The following CNTNAP5 variants were observed in gnomAD, a reference collection of about 807,000 sequenced individuals.
CNTNAP5 encodes the protein contactin associated protein family member 5, also known as contactin-associated protein-like 5.
Under a neutral mutation model 150.2 loss-of-function variants are expected in CNTNAP5, and 72 were observed. The ratio of observed to expected loss-of-function variants is 0.48; its 90% confidence interval spans 0.40 to 0.58. CNTNAP5 has a LOEUF of 0.58. CNTNAP5 is among the 20% of genes least tolerant of loss of function. The pLI is 0.00. For missense variants in CNTNAP5, 1,636 were observed against 1,626.2 expected (o/e 1.01, Z -0.10); for synonymous variants, 672 against 619.8 (o/e 1.08, Z -1.25).
intron 1 of CNTNAP5, among the ~76,000 whole-genome samples, chr2:124,062,234 A>G (rs1200827738): frequency 6.6e-6 from 1 of 152,220 alleles, no homozygotes; most frequent in Non-Finnish European, 1.5e-5. Flanking sequence ...TTTGGCTTAT[A>G]TGAACTGCTC....
intron 12 of CNTNAP5, among the ~76,000 whole-genome samples, chr2:124,625,401 C>T (rs1677699321): frequency 6.7e-6 from 1 of 150,182 alleles, no homozygotes; most frequent in South Asian, 2.1e-4. Flanking sequence ...GGCCTATTCC[C>T]AGCAATGTTT....
At chr2:124,401,907 A>T (rs1266283701) in intron 3 of CNTNAP5, among the ~76,000 whole-genome samples, 1 of 152,178 alleles carries the variant, frequency 6.6e-6, no homozygotes, top group Non-Finnish European at 1.5e-5. Flanking sequence ...TGGAGTCTCC[A>T]GTGGGAGAGT....
intron 1 of CNTNAP5, among the ~76,000 whole-genome samples, chr2:124,045,189 C>A (rs1223163652): frequency 1.3e-5 from 2 of 151,970 alleles, no homozygotes; most frequent in East Asian, 3.9e-4. Context: ...AGCTTAATAA[C>A]AAATACCCCT....
chr2:124,461,219 C>T (rs1474698863), intron 6 of CNTNAP5, among the ~76,000 whole-genome samples: 3 of 152,210 alleles, frequency 2.0e-5, no homozygotes, highest in Non-Finnish European at 2.9e-5. Context: ...TATAAAGACA[C>T]ATGCAGACGT....
At chr2:124,818,459 GT>G (rs112530743) in intron 19 of CNTNAP5, among the ~76,000 whole-genome samples, 3 of 151,616 alleles carry the variant, frequency 2.0e-5, no homozygotes, top group African/African-American at 7.3e-5. Flanking sequence ...CCCAAGGGGG[GT>G]TTGCATGGCT....
At position 124,800,824 on chromosome 2, in the gene CNTNAP5, G is replaced by T. The variant is rs1681951917; in HGVS notation, c.3217+2504G>T. On this transcript the variant is annotated intron_variant, in intron 19 of 23. Coordinates refer to ENST00000682447, the MANE Select transcript of CNTNAP5 (RefSeq NM_001367498.1). The stretch of plus-strand genomic sequence containing the variant: ...TTTAAGTTTAGGTCTCAGGGCATGT[G>T]TGAAAGTTCAGGTATGAGTCCTGAG... Among the ~76,000 whole-genome samples, 12 of 152,198 alleles carry T rather than the reference G, an allele frequency of 7.9e-5. 1 individual carries two copies. The highest frequency in any genetic ancestry group is 7.2e-4 in the Admixed American group (11 of 15,284).
chr2:124,147,531 T>C (rs1684284361), intron 1 of CNTNAP5, among the ~76,000 whole-genome samples: 1 of 152,248 alleles, frequency 6.6e-6, no homozygotes, highest in South Asian at 2.1e-4. Flanking sequence ...TAAAGAGTTG[T>C]AAAATTGTAA....
chr2:124,084,952 C>A (rs1443300955), intron 1 of CNTNAP5, among the ~76,000 whole-genome samples: 1 of 11,330 alleles, frequency 8.8e-5, no homozygotes, highest in Non-Finnish European at 2.9e-4. Context: ...GACGGAGTCT[C>A]GCTTTGTTGC....
chr2:124,283,145 G>A (rs995342514), intron 3 of CNTNAP5, among the ~76,000 whole-genome samples: 3 of 152,166 alleles, frequency 2.0e-5, no homozygotes, highest in East Asian at 3.9e-4. Flanking sequence ...TGTGGAGTCA[G>A]TAGTCCTGCC....
chr2:124,137,663 G>A (rs1452003844), intron 1 of CNTNAP5, among the ~76,000 whole-genome samples: 1 of 152,202 alleles, frequency 6.6e-6, no homozygotes, highest in African/African-American at 2.4e-5. Flanking sequence ...CTGGTGAGGA[G>A]TATGTGACAC....
Position 124,447,707 on chromosome 2 carries a change from A to T in CNTNAP5, c.918+770A>T, listed in dbSNP as rs193003280. Among the ~76,000 whole-genome samples the T allele has an allele frequency of 9.2e-5, 14 of 152,294 alleles. No individual in the cohort carries two copies. The East Asian group carries it at 2.7e-3, about 29-fold the overall frequency. ...TTTATATTTATATAATTATGTATTT[A>T]TATAGGAAACAGGGCACTTAATTCA... On this transcript the variant is annotated intron_variant, in intron 6 of 23. Coordinates refer to ENST00000682447, the MANE Select transcript of CNTNAP5 (RefSeq NM_001367498.1).
chr2:124,469,085 C>T (rs937164001), intron 6 of CNTNAP5, among the ~76,000 whole-genome samples: 2 of 152,346 alleles, frequency 1.3e-5, no homozygotes, highest in African/African-American at 4.8e-5. Flanking sequence ...TTCAATCCCT[C>T]AGGGAGAACC....
At chr2:124,832,050 A>G (rs1682727572) in intron 19 of CNTNAP5, among the ~76,000 whole-genome samples, 1 of 152,066 alleles carries the variant, frequency 6.6e-6, no homozygotes. Context: ...AAGAATACAC[A>G]CAGATCTTTC....
At position 124,394,812 on chromosome 2, in the gene CNTNAP5, C is replaced by T. The variant is rs141398100; in HGVS notation, c.382-22631C>T. On this transcript the variant is annotated intron_variant, in intron 3 of 23. Coordinates refer to ENST00000682447, the MANE Select transcript of CNTNAP5 (RefSeq NM_001367498.1). Reference sequence around the variant, plus strand: ...CCTTCACCCTTCCTTCTCACTGCTTCGCCTCTGCCGAGACACATACATTCT... The same window carrying T: ...CCTTCACCCTTCCTTCTCACTGCTTTGCCTCTGCCGAGACACATACATTCT... Among the ~76,000 whole-genome samples, 354 of 152,320 alleles carry T rather than the reference C, an allele frequency of 2.3e-3. 1 individual carries two copies. Among genetic ancestry groups the T allele is most frequent in the African/African-American group, 8.2e-3 (341 of 41,580 alleles).
chr2:124,914,037 T>C, intron 23 of CNTNAP5, 55 bp from the exon 24 acceptor site: 1 of 1,353,190 alleles, frequency 7.4e-7, no homozygotes. Flanking sequence ...TCCACTCTCC[T>C]GAGCAGATGA....
intron 12 of CNTNAP5, among the ~76,000 whole-genome samples, 158 bp from the exon 13 acceptor site, chr2:124,647,600 G>A (rs1387251349): frequency 6.6e-6 from 1 of 152,202 alleles, no homozygotes; most frequent in Non-Finnish European, 1.5e-5. Flanking sequence ...AACTCTGGTG[G>A]AGCTCCATGG....
At chr2:124,856,236 T>C (rs1298704746) in intron 19 of CNTNAP5, among the ~76,000 whole-genome samples, 2 of 152,184 alleles carry the variant, frequency 1.3e-5, no homozygotes, top group African/African-American at 2.4e-5. Flanking sequence ...AATCTGCTAG[T>C]TGATTGATGG....
chr2:124,078,068 T>TA (rs1682478752), intron 1 of CNTNAP5, among the ~76,000 whole-genome samples: 1 of 152,162 alleles, frequency 6.6e-6, no homozygotes, highest in Non-Finnish European at 1.5e-5. Context: ...TTACAAAAGA[T>TA]AGAGACAAAA....
chr2:124,149,139 G>T (rs955006734), intron 1 of CNTNAP5, among the ~76,000 whole-genome samples: 3 of 151,890 alleles, frequency 2.0e-5, no homozygotes, highest in African/African-American at 2.4e-5. Flanking sequence ...TGGGTGTTTC[G>T]TTAAGTTCTT....
Sources: allele counts gnomAD v4.1 joint callset (sites outside exome capture counted in the v4.1 genomes callset), GRCh38; gene constraint gnomAD v4.1.1; transcripts MANE v1.5; gene names NCBI Gene and HGNC (gene_info 2026-07-23, HGNC 2026-07-21).